The following RRP12 variants were observed in gnomAD, a reference collection of about 807,000 sequenced individuals.
RRP12 encodes the protein ribosomal RNA processing 12 homolog.
Under a neutral mutation model 157.3 loss-of-function variants are expected in RRP12, and 78 were observed. The ratio of observed to expected loss-of-function variants is 0.50; its 90% CI spans 0.41 to 0.60. The LOEUF (loss-of-function observed/expected upper bound fraction) is 0.60. Ranked by LOEUF, RRP12 falls within the 20% of genes least tolerant of loss-of-function variation. RRP12 has a pLI of 0.00. For synonymous variants in RRP12, 726 were observed against 670.9 expected, an observed-to-expected ratio of 1.08 and a Z score of -1.27; for missense variants, 1,521 against 1,679.9, an observed-to-expected ratio of 0.91 and a Z score of 1.65.
rs560876902 is a variant in RRP12, at chr10:97,367,474, G to A, written c.2956-342C>T. On this transcript the variant is annotated intron_variant, in intron 25 of 33. Coordinates refer to ENST00000370992, the MANE Select transcript of RRP12 (RefSeq NM_015179.4). Reference sequence around the variant, plus strand: ...ACCCCCTATTTATAGAAGAGGACACGGCGGCACAGAGGATAAAGTGTTTGC... The same window carrying A: ...ACCCCCTATTTATAGAAGAGGACACAGCGGCACAGAGGATAAAGTGTTTGC... 1.1e-4 allele frequency: 37 copies of A among 322,978 alleles called. 1 individual carries two copies. The South Asian group carries it at 1.3e-3, about 11-fold the overall frequency. 20.0% of individuals were successfully genotyped at this position (322,978 alleles called of 1,614,324 possible).
At chr10:97,399,744 T>G (rs1845084178) in intron 2 of RRP12, among the ~76,000 whole-genome samples, 1 of 137,576 alleles carries the variant, frequency 7.3e-6, no homozygotes, top group African/African-American at 2.7e-5. Flanking sequence ...ACTATTTAAA[T>G]ATACTAAAAA....
chr10:97,392,413 G>T (rs1263371069), intron 4 of RRP12, among the ~76,000 whole-genome samples: 1 of 152,176 alleles, frequency 6.6e-6, no homozygotes, highest in East Asian at 1.9e-4. Flanking sequence ...GCAGTGGCTT[G>T]ATCTTGGCTC....
At chr10:97,394,200 A>G (rs1169937285) in intron 3 of RRP12, among the ~76,000 whole-genome samples, 2 of 151,958 alleles carry the variant, frequency 1.3e-5, no homozygotes, top group Non-Finnish European at 1.5e-5. Context: ...AAAATTAGCC[A>G]GGCATGGTGG....
intron 31 of RRP12, among the ~76,000 whole-genome samples, chr10:97,360,159 C>T (rs1270059985): frequency 6.6e-6 from 1 of 152,234 alleles, no homozygotes; most frequent in African/African-American, 2.4e-5. Flanking sequence ...GTTCCCAGCC[C>T]TGGCACCGGC....
chr10:97,373,659 C>G lies in RRP12; in HGVS notation c.1942G>C (p.Gly648Arg), dbSNP rs1844223828. 1.2e-6 allele frequency: 2 copies of G among 1,613,894 alleles called. No individual in the cohort carries two copies. Among genetic ancestry groups the G allele is most frequent in the Admixed American group, 3.3e-5 (2 of 60,006 alleles). Reference sequence around the variant, plus strand: ...TCTGGACGCTCGCTGATGGCCATGCCCAGCGTCCGTGCCAGCCCTTTGAAG... The same window carrying G: ...TCTGGACGCTCGCTGATGGCCATGCGCAGCGTCCGTGCCAGCCCTTTGAAG... ...ISFKGLARTL[G>R]MAISERPDLR... The change falls in exon 17 of 34, where the codon GGC becomes CGC. Residue 648 changes from glycine (G) to arginine (R), a missense_variant. By Grantham distance (125) the Gly-to-Arg change is moderately radical (BLOSUM62 -2). Coordinates refer to ENST00000370992, the MANE Select transcript of RRP12 (RefSeq NM_015179.4).
chr10:97,356,530 G>T (rs962321851), downstream of RRP12: 3 of 152,320 alleles, frequency 2.0e-5, no homozygotes, highest in Admixed American at 1.3e-4. Context: ...TGACACAGGT[G>T]GGTGCTCCCG....
intron 2 of RRP12, among the ~76,000 whole-genome samples, chr10:97,399,212 G>A (rs937059194): frequency 2.0e-5 from 3 of 152,178 alleles, no homozygotes; most frequent in African/African-American, 7.2e-5. Context: ...GGCGGAGGTT[G>A]CAGTGAGCCG....
intron 8 of RRP12, among the ~76,000 whole-genome samples, chr10:97,387,630 T>G (rs1447829153): frequency 1.4e-5 from 2 of 140,956 alleles, no homozygotes; most frequent in East Asian, 4.1e-4. Flanking sequence ...TTTTCATGTG[T>G]CTTTAAAGCT....
chr10:97,363,551 G>A (rs950230412), intron 30 of RRP12, among the ~76,000 whole-genome samples: 7 of 152,168 alleles, frequency 4.6e-5, no homozygotes, highest in African/African-American at 1.7e-4. Flanking sequence ...GCTCCCCTAC[G>A]GTGGATGCCC....
In RRP12 at chr10:97,385,201, A is replaced by G. The variant is rs1343479113; in HGVS notation, c.1173T>C (p.Leu391=). Residue 391 remains leucine, a synonymous_variant, in exon 10 of 34, where the codon CTT becomes CTC. Transcript: ENST00000370992. Reference sequence around the variant, plus strand: ...TGATGTGGGCTTTCTCCATGACCTTAAGCCAGGCTAGCAGGGGTTGTAAAT... The same window carrying G: ...TGATGTGGGCTTTCTCCATGACCTTGAGCCAGGCTAGCAGGGGTTGTAAAT... ...ENDLQPLLAW[L]KVMEKAHINL... 1.9e-6 allele frequency: 3 copies of G among 1,613,924 alleles called. No homozygotes were observed. In the African/African-American group the frequency reaches 4.0e-5, roughly 22 times the overall value.
chr10:97,372,406 G>C (rs1459871543), intron 19 of RRP12, among the ~76,000 whole-genome samples: 1 of 152,218 alleles, frequency 6.6e-6, no homozygotes, highest in African/African-American at 2.4e-5. Flanking sequence ...CAACCTTGTT[G>C]CAAGAACTAT....
At chr10:97,386,133 C>G in intron 8 of RRP12, 140 bp from the exon 9 acceptor site, 1 of 593,526 alleles carries the variant, frequency 1.7e-6, no homozygotes, top group Non-Finnish European at 3.1e-6. Flanking sequence ...ACCCTGAGGA[C>G]TGCCACCTTA....
chr10:97,358,675 T>C, intron 32 of RRP12, 56 bp from the exon 33 acceptor site: 2 of 1,337,088 alleles, frequency 1.5e-6, no homozygotes, highest in Non-Finnish European at 2.2e-6. Flanking sequence ...CTTCTGTCCC[T>C]GCCCTAGACT....
At position 97,379,780 on chromosome 10, in the gene RRP12, A is replaced by G; in HGVS notation, c.1534-10T>C. 2 of 1,597,268 alleles carry G rather than the reference A, an allele frequency of 1.3e-6. No homozygotes were observed. Among genetic ancestry groups the G allele is most frequent in the Non-Finnish European group, 1.7e-6 (2 of 1,171,952 alleles). On this transcript the variant is annotated splice_polypyrimidine_tract_variant and intron_variant, in intron 13 of 33. Coordinates refer to ENST00000370992, the MANE Select transcript of RRP12 (RefSeq NM_015179.4). ...ACAGGGACTGGAGGCACTGCAGCAG[A>G]GATGAGTGACCACACATCAAGACAT...
At chr10:97,356,457 G>A (rs1235165981), downstream of RRP12, 3 of 152,222 alleles carry the variant, frequency 2.0e-5, no homozygotes, top group Non-Finnish European at 4.4e-5. Context: ...AGGACAGCTG[G>A]GGCAGTCCCT....
chr10:97,392,310 T>C (rs941896056), intron 4 of RRP12, among the ~76,000 whole-genome samples: 17 of 151,944 alleles, frequency 1.1e-4, no homozygotes, highest in Non-Finnish European at 1.3e-4. Flanking sequence ...CTCAAGAACT[T>C]TTTCATCTTA....
At chr10:97,367,877 G>A (rs1010185730) in intron 25 of RRP12, among the ~76,000 whole-genome samples, 1 of 151,998 alleles carries the variant, frequency 6.6e-6, no homozygotes, top group Non-Finnish European at 1.5e-5. Flanking sequence ...GATTACAGGT[G>A]CCTGCTATCA....
intron 1 of RRP12, 146 bp downstream of exon 1, chr10:97,400,947 C>G (rs1845129288): frequency 9.8e-7 from 1 of 1,022,672 alleles, no homozygotes; most frequent in South Asian, 1.7e-5. Flanking sequence ...AAGGACTGCC[C>G]TTCAGAGAGG....
intron 15 of RRP12, among the ~76,000 whole-genome samples, chr10:97,374,998 CTG>C (rs1175748438): frequency 6.6e-6 from 1 of 152,164 alleles, no homozygotes; most frequent in Non-Finnish European, 1.5e-5. Context: ...AAGCCACGAA[CTG>C]TGGAGCGGCG....
Sources: allele counts gnomAD v4.1 joint callset (sites outside exome capture counted in the v4.1 genomes callset), GRCh38; gene constraint gnomAD v4.1.1; transcripts MANE v1.5; gene names NCBI Gene and HGNC (gene_info 2026-07-23, HGNC 2026-07-21).